Variants in FABP7 observed in about 807,000 individuals in gnomAD.
FABP7 encodes the protein fatty acid-binding protein, brain.
In FABP7, 13 loss-of-function variants were observed where a neutral mutation model predicts 14.2. The ratio of observed to expected loss-of-function variants is 0.91; its 90% CI spans 0.59 to 1.45. The LOEUF (loss-of-function observed/expected upper bound fraction) is 1.45, where lower values mean the gene tolerates loss of function less well. Ranked by LOEUF, FABP7 falls within the 40% of genes most tolerant of loss-of-function variation. The pLI, the probability that FABP7 is intolerant of heterozygous loss-of-function variation, is 0.00. For synonymous variants in FABP7, 49 were observed against 51.4 expected, an observed-to-expected ratio of 0.95 and a Z score of 0.20; for missense variants, 149 against 157.6, an observed-to-expected ratio of 0.95 and a Z score of 0.29.
chr6:122,755,164 T>C, the FABP7 span, among the ~76,000 whole-genome samples: 2 of 152,162 alleles, frequency 1.3e-5, no homozygotes, highest in African/African-American at 4.8e-5. Context: ...CCATGATCTA[T>C]TGCTGTACTT....
chr6:122,753,797 C>G, the FABP7 span, among the ~76,000 whole-genome samples: 6 of 106,028 alleles, frequency 5.7e-5, no homozygotes, highest in African/African-American at 2.2e-4. Context: ...CCCCCCCCGC[C>G]CACAGAAGTT....
At chr6:122,774,786 G>T (rs112943004), upstream of FABP7, among the ~76,000 whole-genome samples, 1 of 145,092 alleles carries the variant, frequency 6.9e-6, no homozygotes, top group African/African-American at 2.6e-5. Flanking sequence ...AAAAAAAAAA[G>T]GTTAGAATTG....
chr6:122,752,075 A>T, the FABP7 span, among the ~76,000 whole-genome samples: 2 of 151,276 alleles, frequency 1.3e-5, no homozygotes, highest in African/African-American at 4.9e-5. Flanking sequence ...TCCACCCCTA[A>T]CCCCACCACC....
the FABP7 span, among the ~76,000 whole-genome samples, chr6:122,763,391 A>G: frequency 2.0e-5 from 3 of 152,230 alleles, no homozygotes; most frequent in Admixed American, 6.5e-5. Context: ...AATTAATTCA[A>G]GATGGATTAA....
rs1780755897 is a variant in FABP7, at chr6:122,780,426, A to G, written c.209A>G (p.Glu70Gly). 1.2e-6 allele frequency: 2 copies of G among 1,613,876 alleles called. No homozygotes were observed. The highest frequency in any genetic ancestry group is 1.7e-5 in the Admixed American group (1 of 59,960). ...GAGATTAGTTTCCAGCTGGGAGAAG[A>G]GTTTGATGAAACCACTGCAGATGAT... ...NTEISFQLGE[E>G]FDETTADDRN... The change falls in exon 2 of 4, where the codon GAG becomes GGG. Residue 70 changes from glutamate (E) to glycine (G), a missense_variant. Glu to Gly is a moderately conservative substitution (Grantham distance 98). Coordinates refer to ENST00000368444, the MANE Select transcript of FABP7 (RefSeq NM_001446.5).
Position 122,783,158 on chromosome 6 carries a change from T to C in FABP7, c.349-559T>C, listed in dbSNP as rs563170723. 22 of 985,446 alleles carry C rather than the reference T, an allele frequency of 2.2e-5. No homozygotes were observed. In the South Asian group the frequency reaches 8.0e-4, roughly 36 times the overall value. The allele number at this position is 985,446 out of a possible 1,614,324, so 61.0% of individuals were successfully genotyped here. On this transcript the variant is annotated intron_variant, in intron 3 of 3. Coordinates refer to ENST00000368444, the MANE Select transcript of FABP7 (RefSeq NM_001446.5). ...CAAGTTAGATTTGACATTAGAGTAA[T>C]AGAGCTGATGTTCCGCATCCTATCC...
chr6:122,758,313 G>T, the FABP7 span, among the ~76,000 whole-genome samples: 2 of 151,938 alleles, frequency 1.3e-5, no homozygotes, highest in African/African-American at 4.8e-5. Context: ...TTGCCATGTC[G>T]GCCAGGCTGC....
the FABP7 span, among the ~76,000 whole-genome samples, chr6:122,757,683 A>G: frequency 6.6e-6 from 1 of 151,958 alleles, no homozygotes; most frequent in Non-Finnish European, 1.5e-5. Flanking sequence ...ATACGTTACT[A>G]TATGTAGGTC....
At chr6:122,779,604 T>C (rs1780728879), upstream of FABP7, 2 of 607,282 alleles carry the variant, frequency 3.3e-6, no homozygotes, top group Middle Eastern at 4.4e-4. Context: ...CTCCTCTCTC[T>C]GTGACAGCCT....
intron 2 of FABP7, 92 bp from the exon 3 acceptor site, chr6:122,781,001 T>G (rs1780767006): frequency 7.8e-6 from 11 of 1,418,806 alleles, no homozygotes; most frequent in Non-Finnish European, 1.0e-5. Flanking sequence ...ATTTATTCAA[T>G]TATACAACTC....
At chr6:122,764,208 A>G in the FABP7 span, among the ~76,000 whole-genome samples, 3 of 152,228 alleles carry the variant, frequency 2.0e-5, no homozygotes, top group Non-Finnish European at 2.9e-5. Context: ...CTATGCAGCT[A>G]TAGAAAAGGA....
upstream of FABP7, among the ~76,000 whole-genome samples, chr6:122,776,770 G>A (rs990608581): frequency 2.6e-5 from 4 of 152,076 alleles, no homozygotes; most frequent in Admixed American, 1.3e-4. Context: ...TCCAAATATC[G>A]TATGTACCTG....
chr6:122,781,391 TCAA>T, intron 3 of FABP7, 197 bp downstream of exon 3: 1 of 1,433,212 alleles, frequency 7.0e-7, no homozygotes, highest in African/African-American at 1.4e-5. Context: ...CTTCTTCAGC[TCAA>T]CTTCTTTGAT....
the FABP7 span, among the ~76,000 whole-genome samples, chr6:122,759,455 A>AAT: frequency 6.6e-6 from 1 of 152,210 alleles, no homozygotes; most frequent in Non-Finnish European, 1.5e-5. Context: ...GATGCATTAA[A>AAT]ATAATGCTAC....
chr6:122,774,905 C>T (rs1161021069), upstream of FABP7, among the ~76,000 whole-genome samples: 1 of 151,702 alleles, frequency 6.6e-6, no homozygotes, highest in Non-Finnish European at 1.5e-5. Context: ...GCAATCCCAT[C>T]TATAATAGCT....
Position 122,783,929 on chromosome 6 carries a change from C to A in FABP7, c.*162C>A, listed in dbSNP as rs1275057932. On this transcript the variant is annotated 3_prime_UTR_variant, in exon 4 of 4. Transcript: ENST00000368444. ...AAACTTGTTACTCCAAGCAACTTGC[C>A]CAATTTTAATCTGAAAATTTATCAT... 2 of 501,082 alleles carry A rather than the reference C, an allele frequency of 4.0e-6. No homozygotes were observed. The highest frequency in any genetic ancestry group is 3.5e-6 in the Non-Finnish European group (1 of 288,642). 31.0% of individuals were successfully genotyped at this position (501,082 alleles called of 1,614,324 possible).
the FABP7 span, among the ~76,000 whole-genome samples, chr6:122,755,676 C>A: frequency 4.0e-5 from 6 of 151,890 alleles, 1 homozygote; most frequent in East Asian, 1.2e-3. Context: ...CCAGGATGGC[C>A]TTGATCTCCT....
At chr6:122,750,367 GA>G in the FABP7 span, among the ~76,000 whole-genome samples, 18 of 152,076 alleles carry the variant, frequency 1.2e-4, no homozygotes, top group East Asian at 2.7e-3. Flanking sequence ...TAATTATTAT[GA>G]AATAATCATT....
intron 3 of FABP7, chr6:122,783,346 GA>G: frequency 1.0e-6 from 1 of 985,032 alleles, no homozygotes. Flanking sequence ...TCTAGGTTAA[GA>G]ATTGAAAACT....
Sources: allele counts gnomAD v4.1 joint callset (sites outside exome capture counted in the v4.1 genomes callset), GRCh38; gene constraint gnomAD v4.1.1; transcripts MANE v1.5; gene names NCBI Gene and HGNC (gene_info 2026-07-23, HGNC 2026-07-21).